The following DZIP1 variants were observed in gnomAD, a reference collection of about 807,000 sequenced individuals.
DZIP1 encodes DAZ interacting zinc finger protein 1.
A neutral mutation model predicts 107.6 loss-of-function variants in DZIP1; 97 were observed. That is an observed-to-expected ratio of 0.90 (90% CI 0.77 to 1.07). DZIP1 has a LOEUF of 1.07. Among genes scored for constraint, DZIP1 ranks in the 50% least tolerant of loss-of-function variants. DZIP1 has a pLI of 0.00. For synonymous variants in DZIP1, 390 were observed against 386.4 expected (o/e 1.01, Z -0.11); for missense variants, 1,035 against 1,063.6 (o/e 0.97, Z 0.37).
At chr13:95,608,544 T>C (rs900299432) in intron 13 of DZIP1, among the ~76,000 whole-genome samples, 23 of 152,148 alleles carry the variant, frequency 1.5e-4, no homozygotes, top group African/African-American at 5.3e-4. Context: ...TACTTGACCT[T>C]TCTGTCCTTC....
intron 12 of DZIP1, among the ~76,000 whole-genome samples, chr13:95,610,120 GAC>G (rs1491333301): frequency 1.3e-3 from 158 of 125,496 alleles, no homozygotes; most frequent in Middle Eastern, 4.2e-3. Context: ...GTGAGAGAGA[GAC>G]AGAGAGAGAG....
intron 16 of DZIP1, among the ~76,000 whole-genome samples, chr13:95,591,521 G>A (rs774473741): frequency 6.6e-6 from 1 of 151,982 alleles, no homozygotes; most frequent in Non-Finnish European, 1.5e-5. Context: ...CAGTCCCAGG[G>A]AGTGGCCATA....
intron 14 of DZIP1, among the ~76,000 whole-genome samples, chr13:95,600,066 A>AG (rs1378769378): frequency 6.6e-6 from 1 of 152,182 alleles, no homozygotes; most frequent in African/African-American, 2.4e-5. Context: ...AACCGCACTC[A>AG]GGGGAGATGA....
chr13:95,615,141 G>A (rs192358437), intron 10 of DZIP1, among the ~76,000 whole-genome samples: 8 of 152,072 alleles, frequency 5.3e-5, no homozygotes, highest in Non-Finnish European at 1.0e-4. Context: ...TGAGGCATGC[G>A]CCCCACTCAG....
At chr13:95,598,857 C>G (rs1394094711) in intron 15 of DZIP1, among the ~76,000 whole-genome samples, 1 of 152,142 alleles carries the variant, frequency 6.6e-6, no homozygotes, top group African/African-American at 2.4e-5. Flanking sequence ...ACACCTGTAA[C>G]AGCTCCCAAA....
At chr13:95,618,333 T>C (rs1006731035) in intron 10 of DZIP1, among the ~76,000 whole-genome samples, 1 of 152,206 alleles carries the variant, frequency 6.6e-6, no homozygotes, top group Non-Finnish European at 1.5e-5. Flanking sequence ...AACTGCCACA[T>C]CAGTGATACA....
At position 95,579,399 on chromosome 13, in the gene DZIP1, T is replaced by C. The variant is rs192267900; in HGVS notation, c.*2835A>G. ...GTTCATACACACCTTTCATGTCCTG[T>C]CTCACTCACTCCTCACAGCCATCCT... On this transcript the variant is annotated 3_prime_UTR_variant, in exon 23 of 23. Transcript: ENST00000376829. 6.6e-6 allele frequency: 1 copy of C among 152,338 alleles called. No homozygotes were observed. 9.4% of individuals were successfully genotyped at this position (152,338 alleles called of 1,614,324 possible). A position where few individuals can be genotyped will look rare whatever the true frequency, so the allele number is the denominator to read the frequency against.
At chr13:95,631,605 G>T (rs1281787823) in intron 6 of DZIP1, among the ~76,000 whole-genome samples, 1 of 152,066 alleles carries the variant, frequency 6.6e-6, no homozygotes, top group Non-Finnish European at 1.5e-5. Flanking sequence ...AGAAAACCTG[G>T]CTCCTTGGTA....
chr13:95,592,833 T>C (rs1428874731), intron 16 of DZIP1, among the ~76,000 whole-genome samples: 1 of 152,178 alleles, frequency 6.6e-6, no homozygotes. Flanking sequence ...GTATGAATCA[T>C]ATAGATAAAA....
At position 95,642,121 on chromosome 13, in the gene DZIP1, G is replaced by T; in HGVS notation, c.-92C>A. ...GGAGCGGGAGAAGGCCGGGTTCCTC[G>T]CTTCCGCGGCGGCGGCGGCCTAAGG... On this transcript the variant is annotated 5_prime_UTR_variant, in exon 4 of 23. Transcript: ENST00000376829. 1 of 1,413,358 alleles carries T rather than the reference G, an allele frequency of 7.1e-7. No individual in the cohort carries two copies. Among genetic ancestry groups the T allele is most frequent in the Non-Finnish European group, 9.2e-7 (1 of 1,086,630 alleles). 87.6% of individuals were successfully genotyped at this position (1,413,358 alleles called of 1,614,324 possible).
intron 12 of DZIP1, among the ~76,000 whole-genome samples, chr13:95,609,866 C>G (rs924082136): frequency 1.3e-5 from 2 of 152,074 alleles, no homozygotes; most frequent in African/African-American, 4.8e-5. Context: ...CAGTACCACC[C>G]CTAGTTGGCA....
intron 9 of DZIP1, among the ~76,000 whole-genome samples, chr13:95,622,118 G>A (rs908756521): frequency 6.6e-6 from 1 of 152,140 alleles, no homozygotes; most frequent in African/African-American, 2.4e-5. Context: ...ATGGAGAGAA[G>A]AAACAAAACA....
At chr13:95,599,493 A>AT in intron 14 of DZIP1, 69 bp from the exon 15 acceptor site, 2 of 1,325,610 alleles carry the variant, frequency 1.5e-6, no homozygotes, top group Non-Finnish European at 2.2e-6. Context: ...TTCCTTTCAA[A>AT]TGATTTTGAA....
intron 10 of DZIP1, among the ~76,000 whole-genome samples, chr13:95,616,406 T>C (rs1875074128): frequency 6.6e-6 from 1 of 152,102 alleles, no homozygotes; most frequent in South Asian, 2.1e-4. Context: ...CCTTCCACAT[T>C]CATTCTGCAA....
At position 95,625,570 on chromosome 13, in the gene DZIP1, CAAAATCATGCA is replaced by C. The variant is rs1167510229; in HGVS notation, c.811-652_811-642del. Among the ~76,000 whole-genome samples the C allele has an allele frequency of 9.9e-5, 15 of 152,216 alleles. No individual in the cohort carries two copies. In the East Asian group the frequency reaches 2.1e-3, roughly 22 times the overall value. ...AAGTGTTTCTCAGATTTAAAAAGAT[CAAAATCATGCA>C]AAGATTCTTCTCTGATCACAATAGA... On this transcript the variant is annotated intron_variant, in intron 7 of 22. Transcript: ENST00000376829.
At chr13:95,606,116 C>T (rs553685670) in intron 13 of DZIP1, 57 bp from the exon 14 acceptor site, 20 of 1,574,454 alleles carry the variant, frequency 1.3e-5, no homozygotes, top group Admixed American at 1.0e-4. Context: ...CATAAGCATC[C>T]GAACATGATG....
chr13:95,637,045 A>G (rs1877894765), intron 5 of DZIP1: 1 of 152,240 alleles, frequency 6.6e-6, no homozygotes, highest in African/African-American at 2.4e-5. Flanking sequence ...AGACAAAGGA[A>G]CCACATCAAA....
chr13:95,605,287 G>A (rs916060643), intron 14 of DZIP1, among the ~76,000 whole-genome samples: 2 of 152,156 alleles, frequency 1.3e-5, no homozygotes, highest in Non-Finnish European at 2.9e-5. Flanking sequence ...ATGTGAGACT[G>A]GAAAAAGATG....
At chr13:95,608,708 A>G (rs2044870038) in intron 13 of DZIP1, among the ~76,000 whole-genome samples, 2 of 152,200 alleles carry the variant, frequency 1.3e-5, no homozygotes, top group Admixed American at 6.5e-5. Context: ...CTGAGAGGTT[A>G]AAACCATCAG....
Sources: allele counts gnomAD v4.1 joint callset (sites outside exome capture counted in the v4.1 genomes callset), GRCh38; gene constraint gnomAD v4.1.1; transcripts MANE v1.5; gene names NCBI Gene and HGNC (gene_info 2026-07-23, HGNC 2026-07-21).